OTC: variants seen among roughly 807,000 people sequenced by gnomAD.
The protein encoded by OTC is ornithine transcarbamylase, mitochondrial.
In OTC, 3 loss-of-function variants were observed where a neutral mutation model predicts 30.3. That is an observed-to-expected ratio of 0.10 (90% CI 0.05 to 0.26). The LOEUF (loss-of-function observed/expected upper bound fraction) is 0.26. Among genes scored for constraint, OTC ranks in the 10% least tolerant of loss-of-function variants. The pLI, the probability that OTC is intolerant of heterozygous loss-of-function variation, is 1.00. For synonymous variants in OTC, 111 were observed against 99.7 expected, an observed-to-expected ratio of 1.11 and a Z score of -0.67; for missense variants, 194 against 260.3, an observed-to-expected ratio of 0.75 and a Z score of 1.75.
chrX:38,357,922 G>A (rs4621959), intron 1 of OTC, among the ~76,000 whole-genome samples: 45,468 of 110,427 alleles, frequency 0.41, 7,204 homozygotes, highest in Middle Eastern at 0.54. Flanking sequence ...TTTTGATGGA[G>A]TATTTGTACG....
intron 9 of OTC, among the ~76,000 whole-genome samples, chrX:38,419,402 T>C (rs1159144588): frequency 8.9e-6 from 1 of 112,123 alleles, no homozygotes; most frequent in Non-Finnish European, 1.9e-5. Context: ...AGGGGTTGCA[T>C]TGAATCTGTA....
intron 1 of OTC, among the ~76,000 whole-genome samples, chrX:38,355,823 G>A (rs1418978008): frequency 8.9e-6 from 1 of 111,914 alleles, no homozygotes; most frequent in Admixed American, 9.5e-5. Flanking sequence ...GATCACCTGA[G>A]GTCAGGAGTT....
chrX:38,347,229 T>C, the OTC span, among the ~76,000 whole-genome samples: 1 of 112,397 alleles, frequency 8.9e-6, no homozygotes, highest in African/African-American at 3.2e-5. Context: ...ATTGTTCTTC[T>C]ATGAGGACAT....
the OTC span, among the ~76,000 whole-genome samples, chrX:38,329,540 A>G: frequency 8.9e-6 from 1 of 111,849 alleles, no homozygotes; most frequent in Admixed American, 9.5e-5. Flanking sequence ...TCCATACCTA[A>G]GTAACAAAAG....
chrX:38,413,324 T>C (rs1251806613), intron 9 of OTC, among the ~76,000 whole-genome samples: 1 of 112,365 alleles, frequency 8.9e-6, no homozygotes, highest in African/African-American at 3.2e-5. Flanking sequence ...TTACCCTCAT[T>C]ATCATCATCT....
At chrX:38,392,206 T>G (rs1228770030) in intron 4 of OTC, among the ~76,000 whole-genome samples, 1 of 112,656 alleles carries the variant, frequency 8.9e-6, no homozygotes, top group African/African-American at 3.2e-5. Flanking sequence ...TTGAGTAATT[T>G]GGATTTTGCA....
chrX:38,394,055 G>A (rs1457595503), intron 4 of OTC, among the ~76,000 whole-genome samples: 5 of 111,994 alleles, frequency 4.5e-5, no homozygotes, highest in Non-Finnish European at 9.4e-5. Context: ...ACTAACTTAT[G>A]AATATGAATC....
At chrX:38,388,949 C>T (rs968773727) in intron 4 of OTC, among the ~76,000 whole-genome samples, 22 of 112,025 alleles carry the variant, frequency 2.0e-4, no homozygotes, top group African/African-American at 7.1e-4. Flanking sequence ...TATTTTCCCA[C>T]AGTTCTGGAG....
chrX:38,410,982 A>C (rs896758983), intron 8 of OTC, among the ~76,000 whole-genome samples: 1 of 111,710 alleles, frequency 9.0e-6, no homozygotes, highest in African/African-American at 3.3e-5. Context: ...ATATATAGGG[A>C]AATGTAACTT....
chrX:38,351,743 A>G (rs974320009), upstream of OTC, among the ~76,000 whole-genome samples: 1 of 110,873 alleles, frequency 9.0e-6, no homozygotes, highest in Admixed American at 9.6e-5. Flanking sequence ...ATAGGCAACT[A>G]TTTCTTTTCT....
chrX:38,340,461 T>TG, the OTC span, among the ~76,000 whole-genome samples: 2 of 91,190 alleles, frequency 2.2e-5, no homozygotes, highest in Non-Finnish European at 4.1e-5. Flanking sequence ...GTTTTTTTGT[T>TG]TTTTTTTTTT....
intron 2 of OTC, among the ~76,000 whole-genome samples, chrX:38,369,406 G>A (rs113845373): frequency 1.0e-3 from 113 of 109,447 alleles, no homozygotes; most frequent in Admixed American, 2.8e-3. Context: ...GGAGTGCAGT[G>A]GCAAGATCTT....
At chrX:38,331,438 T>TG in the OTC span, among the ~76,000 whole-genome samples, 1 of 70,895 alleles carries the variant, frequency 1.4e-5, no homozygotes, top group Admixed American at 1.4e-4. Context: ...TTTGTTTTTT[T>TG]TTTGTTTTTT....
intron 4 of OTC, among the ~76,000 whole-genome samples, chrX:38,389,046 C>T (rs1340600870): frequency 4.5e-5 from 5 of 111,728 alleles, no homozygotes; most frequent in Non-Finnish European, 9.4e-5. Context: ...TTGGCATCAC[C>T]CCAAACTCTG....
At chrX:38,396,238 A>G (rs1473245423) in intron 4 of OTC, among the ~76,000 whole-genome samples, 4 of 110,065 alleles carry the variant, frequency 3.6e-5, no homozygotes, top group Non-Finnish European at 7.6e-5. Flanking sequence ...CTGGGATTAC[A>G]GGCATGAGCC....
chrX:38,421,158 G>T lies in OTC; in HGVS notation c.*76G>T, dbSNP rs1346453677. ...GTTGGTTTATGGGGAAAAGAGAAGA[G>T]AATCTAAAAAATAAACAAATCCCTA... On this transcript the variant is annotated 3_prime_UTR_variant, in exon 10 of 10. Transcript: ENST00000039007. The T allele has an allele frequency of 4.1e-6, 3 of 729,285 alleles. No individual in the cohort carries two copies. Among genetic ancestry groups the T allele is most frequent in the South Asian group, 2.1e-5 (1 of 46,777 alleles). The allele number at this position is 729,285 out of a possible 1,213,427, so 60.1% of individuals were successfully genotyped here.
intron 1 of OTC, among the ~76,000 whole-genome samples, chrX:38,357,163 C>T (rs930867851): frequency 9.0e-6 from 1 of 111,640 alleles, no homozygotes. Context: ...AATTGAGGCT[C>T]GAGATGGCAA....
At chrX:38,329,330 G>A in the OTC span, among the ~76,000 whole-genome samples, 4 of 111,519 alleles carry the variant, frequency 3.6e-5, no homozygotes, top group Non-Finnish European at 5.6e-5. Flanking sequence ...TGCTGAGCAG[G>A]TAATTGGTGA....
intron 3 of OTC, among the ~76,000 whole-genome samples, chrX:38,370,749 T>C (rs1174545227): frequency 9.0e-6 from 1 of 111,082 alleles, no homozygotes; most frequent in Non-Finnish European, 1.9e-5. Context: ...TCCTTTTTTT[T>C]CTTTTCACCC....
Sources: allele counts gnomAD v4.1 joint callset (sites outside exome capture counted in the v4.1 genomes callset), GRCh38; gene constraint gnomAD v4.1.1; transcripts MANE v1.5; gene names NCBI Gene and HGNC (gene_info 2026-07-23, HGNC 2026-07-21).